PRKAG2: variants seen among roughly 807,000 people sequenced by gnomAD.
The protein encoded by PRKAG2 is protein kinase AMP-activated non-catalytic subunit gamma 2.
In PRKAG2, 26 loss-of-function variants were observed where a neutral mutation model predicts 69.6. The ratio of observed to expected loss-of-function variants is 0.37; its 90% CI spans 0.27 to 0.52. The LOEUF is 0.52. Among genes scored for constraint, PRKAG2 ranks in the 20% least tolerant of loss-of-function variants. The pLI is 0.90. For missense variants in PRKAG2, 557 were observed against 740.0 expected (o/e 0.75, Z 2.87); for synonymous variants, 293 against 285.0 (o/e 1.03, Z -0.28).
chr7:151,564,261 T>C, intron 13 of PRKAG2, 37 bp from the exon 14 acceptor site: 1 of 1,612,350 alleles, frequency 6.2e-7, no homozygotes, highest in East Asian at 2.2e-5. Flanking sequence ...TATCCTTTCA[T>C]TTCAGTTCAC....
intron 5 of PRKAG2, among the ~76,000 whole-genome samples, chr7:151,617,286 G>A (rs1489285087): frequency 8.3e-6 from 1 of 120,308 alleles, no homozygotes; most frequent in Non-Finnish European, 1.7e-5. Flanking sequence ...GAGGGAAAGA[G>A]GGAGGGGGGG....
At chr7:151,713,459 CTTT>C (rs987116820) in intron 3 of PRKAG2, among the ~76,000 whole-genome samples, 2 of 151,972 alleles carry the variant, frequency 1.3e-5, no homozygotes, top group African/African-American at 4.8e-5. Context: ...TCTTTTTTTA[CTTT>C]TTTAGTATGG....
At chr7:151,866,037 A>AG (rs2080069264) in intron 1 of PRKAG2, among the ~76,000 whole-genome samples, 1 of 146,470 alleles carries the variant, frequency 6.8e-6, no homozygotes. Context: ...AAAAAAAAAG[A>AG]AAAAGAAAAG....
intron 1 of PRKAG2, among the ~76,000 whole-genome samples, chr7:151,857,104 A>G (rs1439078359): frequency 6.7e-6 from 1 of 149,530 alleles, no homozygotes; most frequent in African/African-American, 2.4e-5. Context: ...TCTATTTGCA[A>G]TTAGGCAAGG....
chr7:151,566,163 G>A (rs528443807), intron 11 of PRKAG2, among the ~76,000 whole-genome samples: 25 of 152,266 alleles, frequency 1.6e-4, no homozygotes, highest in Admixed American at 1.3e-3. Flanking sequence ...CTAAGAACGC[G>A]TATAGAACCA....
chr7:151,831,169 A>G (rs2079018438), intron 1 of PRKAG2, among the ~76,000 whole-genome samples: 1 of 152,172 alleles, frequency 6.6e-6, no homozygotes, highest in Non-Finnish European at 1.5e-5. Context: ...AGCTTGGAAA[A>G]CTGCCTGGCA....
At chr7:151,766,099 A>G (rs978525644) in intron 3 of PRKAG2, among the ~76,000 whole-genome samples, 1 of 152,240 alleles carries the variant, frequency 6.6e-6, no homozygotes, top group African/African-American at 2.4e-5. Flanking sequence ...TATCTGTGAC[A>G]CTGTGTGAAT....
intron 6 of PRKAG2, among the ~76,000 whole-genome samples, chr7:151,579,031 C>G (rs1330033007): frequency 6.6e-6 from 1 of 152,076 alleles, no homozygotes; most frequent in East Asian, 1.9e-4. Flanking sequence ...TTTTTGGAGA[C>G]AGGGTCTCAC....
chr7:151,813,651 T>C (rs10952318), intron 1 of PRKAG2, among the ~76,000 whole-genome samples: 47,137 of 151,950 alleles, frequency 0.31, 7,626 homozygotes, highest in African/African-American at 0.37. Flanking sequence ...CTTCTGGTTC[T>C]CAGCCTCCCC....
At chr7:151,612,925 G>A (rs549464052) in intron 5 of PRKAG2, among the ~76,000 whole-genome samples, 52 of 152,180 alleles carry the variant, frequency 3.4e-4, no homozygotes, top group African/African-American at 1.2e-3. Context: ...GCCAGGTAGC[G>A]GCAGCCTCCC....
At chr7:151,739,835 C>T (rs2073745458) in intron 3 of PRKAG2, among the ~76,000 whole-genome samples, 1 of 152,136 alleles carries the variant, frequency 6.6e-6, no homozygotes, top group Non-Finnish European at 1.5e-5. Flanking sequence ...CCGTGGTTTT[C>T]AGCTCTGCCT....
chr7:151,581,282 A>G (rs867987058), intron 6 of PRKAG2, among the ~76,000 whole-genome samples: 1 of 152,238 alleles, frequency 6.6e-6, no homozygotes, highest in Non-Finnish European at 1.5e-5. Flanking sequence ...ACGGTAATTA[A>G]ATGCTATTCT....
chr7:151,688,497 G>C (rs757466800), intron 3 of PRKAG2, among the ~76,000 whole-genome samples: 2 of 152,112 alleles, frequency 1.3e-5, no homozygotes, highest in African/African-American at 4.8e-5. Context: ...CAGTGGCTGC[G>C]AGGCCCTGGA....
intron 3 of PRKAG2, among the ~76,000 whole-genome samples, chr7:151,775,260 C>T (rs1011011996): frequency 6.6e-6 from 1 of 151,970 alleles, no homozygotes; most frequent in Non-Finnish European, 1.5e-5. Flanking sequence ...CTGCGTGATC[C>T]TACCCCCCAC....
intron 1 of PRKAG2, among the ~76,000 whole-genome samples, chr7:151,875,980 G>A (rs927293783): frequency 6.6e-6 from 1 of 151,956 alleles, no homozygotes; most frequent in Admixed American, 6.5e-5. Context: ...AACGCCCGGA[G>A]AGAAACTGGA....
intron 4 of PRKAG2, among the ~76,000 whole-genome samples, chr7:151,652,898 T>C (rs1828779426): frequency 6.6e-6 from 1 of 152,150 alleles, no homozygotes; most frequent in Non-Finnish European, 1.5e-5. Flanking sequence ...GGATTACAGA[T>C]GGAAGCCACC....
chr7:151,731,461 C>T (rs957193785), intron 3 of PRKAG2, among the ~76,000 whole-genome samples: 6 of 152,322 alleles, frequency 3.9e-5, no homozygotes, highest in Admixed American at 6.5e-5. Flanking sequence ...ACCGCAATTA[C>T]GAATGGACCT....
chr7:151,592,534 G>T (rs760174578), intron 6 of PRKAG2, among the ~76,000 whole-genome samples: 7 of 152,178 alleles, frequency 4.6e-5, no homozygotes, highest in Non-Finnish European at 1.0e-4. Flanking sequence ...CATTGGCTCT[G>T]TTCTACTCCT....
chr7:151,729,846 G>A (rs1004916257), intron 3 of PRKAG2, among the ~76,000 whole-genome samples: 3 of 152,124 alleles, frequency 2.0e-5, no homozygotes, highest in African/African-American at 4.8e-5. Flanking sequence ...CCACTGAACC[G>A]ACCCCTCGCC....
Sources: allele counts gnomAD v4.1 joint callset (sites outside exome capture counted in the v4.1 genomes callset), GRCh38; gene constraint gnomAD v4.1.1; transcripts MANE v1.5; gene names NCBI Gene and HGNC (gene_info 2026-07-23, HGNC 2026-07-21).